The following NUDT5 variants were observed in gnomAD, a reference collection of about 807,000 sequenced individuals.
NUDT5 encodes the protein ADP-sugar pyrophosphatase.
In NUDT5, 21 loss-of-function variants were observed where a neutral mutation model predicts 34.1. The observed-to-expected ratio is 0.62, with a 90% CI of 0.44 to 0.89. The LOEUF is 0.89. NUDT5 is among the 40% of genes least tolerant of loss of function. The pLI is 0.00. For synonymous variants in NUDT5, 85 were observed against 97.6 expected, an observed-to-expected ratio of 0.87 and a Z score of 0.76; for missense variants, 249 against 274.8, an observed-to-expected ratio of 0.91 and a Z score of 0.66.
rs914352036 is a variant in NUDT5, at chr10:12,181,649, G to A, written c.132-2517C>T. On this transcript the variant is annotated intron_variant, in intron 3 of 9. Coordinates refer to ENST00000491614, the MANE Select transcript of NUDT5 (RefSeq NM_014142.4). This position sits in a 1 kb window ranked among gnomAD's most constrained non-coding sequence, Gnocchi z 5.0. Reference sequence around the variant, plus strand: ...ACATGCCATTTCATGACCCTCTGTGGGAGTACCTGCAGAGGGAAGTCGCCG... The same window carrying A: ...ACATGCCATTTCATGACCCTCTGTGAGAGTACCTGCAGAGGGAAGTCGCCG... Among the ~76,000 whole-genome samples the A allele has an allele frequency of 6.6e-6, 1 of 151,948 alleles. No homozygotes were observed. Among genetic ancestry groups the A allele is most frequent in the Non-Finnish European group, 1.5e-5 (1 of 67,986 alleles).
intron 1 of NUDT5, among the ~76,000 whole-genome samples, chr10:12,190,187 G>A (rs573527688): frequency 1.3e-5 from 2 of 152,114 alleles, no homozygotes; most frequent in Admixed American, 1.3e-4. Flanking sequence ...CCGCGCCAGC[G>A]AGTGTTCTAC....
intron 3 of NUDT5, chr10:12,184,409 C>G (rs1469690876): frequency 1.7e-6 from 2 of 1,207,358 alleles, no homozygotes; most frequent in African/African-American, 3.1e-5. Flanking sequence ...GGTACAGTAT[C>G]TTTAGGGCTA....
Position 12,169,482 on chromosome 10 carries a change from A to T in NUDT5, c.550+1235T>A. The T allele has an allele frequency of 1.7e-6, 1 of 574,822 alleles. No homozygotes were observed. The highest frequency in any genetic ancestry group is 3.0e-6 in the Non-Finnish European group (1 of 330,704). The allele number at this position is 574,822 out of a possible 1,614,324, so 35.6% of individuals were successfully genotyped here. A position where few individuals can be genotyped will look rare whatever the true frequency, so the allele number is the denominator to read the frequency against. ...TGTGATAGCTAATTATGGTCCGCGG[A>T]GCCTCAAACCGAGTCGGGCCTGTGA... On this transcript the variant is annotated intron_variant, in intron 9 of 9. Transcript: ENST00000491614. The surrounding 1 kb of genome is among the most constrained non-coding windows in gnomAD (Gnocchi z 4.8).
chr10:12,187,719 CA>C lies in NUDT5; in HGVS notation c.-41-1388del, dbSNP rs1395978083. On this transcript the variant is annotated intron_variant, in intron 1 of 9. Coordinates refer to ENST00000491614, the MANE Select transcript of NUDT5 (RefSeq NM_014142.4). The surrounding 1 kb of genome is among the most constrained non-coding windows in gnomAD (Gnocchi z 5.4). Reference sequence around the variant, plus strand: ...CTGGAAGCTTGTAGTTAGTCACTTTCATGTCGATGTTATTGTACTGGGAAGT... The same window carrying C: ...CTGGAAGCTTGTAGTTAGTCACTTTCTGTCGATGTTATTGTACTGGGAAGT... Among the ~76,000 whole-genome samples the C allele has an allele frequency of 2.0e-5, 3 of 152,160 alleles. No individual in the cohort carries two copies. The highest frequency in any genetic ancestry group is 7.2e-5 in the African/African-American group (3 of 41,440).
At chr10:12,184,508 T>C in intron 3 of NUDT5, 2 of 1,552,200 alleles carry the variant, frequency 1.3e-6, no homozygotes, top group South Asian at 2.4e-5. Flanking sequence ...AAATTAGCAA[T>C]GTTGTTGTTT....
At chr10:12,178,862 GAAC>G (rs781066118) in intron 4 of NUDT5, among the ~76,000 whole-genome samples, 37 of 152,168 alleles carry the variant, frequency 2.4e-4, no homozygotes, top group Non-Finnish European at 2.2e-4. Flanking sequence ...ATAAACATTA[GAAC>G]AACTTCCCCT....
At position 12,170,505 on chromosome 10, in the gene NUDT5, C is replaced by G. The variant is rs1346550880; in HGVS notation, c.550+212G>C. The G allele has an allele frequency of 3.1e-6, 2 of 638,300 alleles. No homozygotes were observed. Among genetic ancestry groups the G allele is most frequent in the Non-Finnish European group, 5.5e-6 (2 of 362,390 alleles). 39.5% of individuals were successfully genotyped at this position (638,300 alleles called of 1,614,324 possible). On this transcript the variant is annotated intron_variant, in intron 9 of 9. Coordinates refer to ENST00000491614, the MANE Select transcript of NUDT5 (RefSeq NM_014142.4). This position sits in a 1 kb window ranked among gnomAD's most constrained non-coding sequence, Gnocchi z 4.9. ...AAAAAGCCTCTACCAAAAGTTTGCA[C>G]TTGACCCAGAATGCTTTGCTCTTAT...
Position 12,186,219 on chromosome 10 carries a change from C to A in NUDT5, c.63+10G>T. 1 of 1,604,770 alleles carries A rather than the reference C, an allele frequency of 6.2e-7. No homozygotes were observed. Among genetic ancestry groups the A allele is most frequent in the Non-Finnish European group, 8.5e-7 (1 of 1,171,752 alleles). The stretch of plus-strand genomic sequence containing the variant: ...GGGGGAGGGAAGGGAAAGTGAAAAA[C>A]AAGTTATACCTCCTCTGAAATGATA... On this transcript the variant is annotated intron_variant, in intron 2 of 9. Coordinates refer to ENST00000491614, the MANE Select transcript of NUDT5 (RefSeq NM_014142.4).
chr10:12,188,761 G>T (rs1835171330), intron 1 of NUDT5, among the ~76,000 whole-genome samples: 1 of 149,082 alleles, frequency 6.7e-6, no homozygotes, highest in South Asian at 2.1e-4. Flanking sequence ...AAGTGGTGGT[G>T]AGAGGGACAA....
At chr10:12,183,323 A>G (rs1360445286) in intron 3 of NUDT5, among the ~76,000 whole-genome samples, 1 of 152,206 alleles carries the variant, frequency 6.6e-6, no homozygotes, top group Non-Finnish European at 1.5e-5. Context: ...TTGGTGGATC[A>G]TACTGTGCTT....
intron 4 of NUDT5, among the ~76,000 whole-genome samples, chr10:12,178,323 T>C (rs887433894): frequency 6.6e-6 from 1 of 152,084 alleles, no homozygotes; most frequent in African/African-American, 2.4e-5. Flanking sequence ...CTGCAATAAA[T>C]GCTAGCAAGA....
intron 3 of NUDT5, among the ~76,000 whole-genome samples, chr10:12,183,489 T>A (rs930499307): frequency 1.3e-5 from 2 of 152,250 alleles, no homozygotes; most frequent in African/African-American, 4.8e-5. Flanking sequence ...TATTTGCATC[T>A]TGACGATCTA....
At chr10:12,193,571 G>A (rs1017409517) in intron 1 of NUDT5, among the ~76,000 whole-genome samples, 5 of 152,246 alleles carry the variant, frequency 3.3e-5, no homozygotes, top group African/African-American at 1.2e-4. Context: ...AGACAACCAC[G>A]GTGGTTAAAA....
In NUDT5 at chr10:12,177,932, C is replaced by T. The variant is rs758689924; in HGVS notation, c.182-32G>A. The T allele has an allele frequency of 6.8e-5, 105 of 1,538,232 alleles. 3 individuals are homozygous for T. In the Admixed American group the frequency reaches 1.7e-3, roughly 26 times the overall value. ...CCAGGAAATGGAACCAAGGAAATCC[C>T]TAATGAGAGGTCAGCAATGCCAGCA... On this transcript the variant is annotated intron_variant, in intron 4 of 9. Transcript: ENST00000491614.
intron 1 of NUDT5, among the ~76,000 whole-genome samples, chr10:12,192,607 G>A (rs766811993): frequency 2.1e-4 from 32 of 152,116 alleles, no homozygotes; most frequent in East Asian, 5.8e-4. Flanking sequence ...TAATCCCAGC[G>A]CTTTCGGAGG....
rs369319228 is a variant in NUDT5, at chr10:12,187,414, T to C, written c.-41-1082A>G. Reference sequence around the variant, plus strand: ...GGATCGAGTAGTACTACAAGTTCTGTTATGAAAAGAGCAGGCCCTTATCCC... The same window carrying C: ...GGATCGAGTAGTACTACAAGTTCTGCTATGAAAAGAGCAGGCCCTTATCCC... On this transcript the variant is annotated intron_variant, in intron 1 of 9. Coordinates refer to ENST00000491614, the MANE Select transcript of NUDT5 (RefSeq NM_014142.4). This position sits in a 1 kb window ranked among gnomAD's most constrained non-coding sequence, Gnocchi z 5.4. Among the ~76,000 whole-genome samples the C allele has an allele frequency of 6.6e-6, 1 of 152,384 alleles. No homozygotes were observed. The highest frequency in any genetic ancestry group is 1.9e-4 in the East Asian group (1 of 5,194).
At chr10:12,174,182 T>C (rs556463066) in intron 5 of NUDT5, among the ~76,000 whole-genome samples, 1 of 150,634 alleles carries the variant, frequency 6.6e-6, no homozygotes, top group Admixed American at 6.6e-5. Flanking sequence ...CTCATTCTTG[T>C]AACACACCTG....
At chr10:12,191,614 C>T (rs1041635336) in intron 1 of NUDT5, among the ~76,000 whole-genome samples, 2 of 152,162 alleles carry the variant, frequency 1.3e-5, no homozygotes, top group South Asian at 2.1e-4. Flanking sequence ...CAGTGCCATG[C>T]ACTGCATGTG....
intron 3 of NUDT5, among the ~76,000 whole-genome samples, chr10:12,184,194 G>A (rs1312553131): frequency 6.6e-6 from 1 of 152,102 alleles, no homozygotes; most frequent in African/African-American, 2.4e-5. Flanking sequence ...TGGGATTACA[G>A]GGCCACCAGG....
Sources: allele counts gnomAD v4.1 joint callset (sites outside exome capture counted in the v4.1 genomes callset), GRCh38; gene constraint gnomAD v4.1.1; non-coding constraint Gnocchi (gnomAD v3.1); transcripts MANE v1.5; gene names NCBI Gene and HGNC (gene_info 2026-07-23, HGNC 2026-07-21).